Variants in KRT8 observed in about 807,000 individuals in gnomAD.
The protein encoded by KRT8 is keratin 8, also known as keratin, type II cytoskeletal 8.
A neutral mutation model predicts 43.0 loss-of-function variants in KRT8; 24 were observed. The observed-to-expected ratio is 0.56, with a 90% CI of 0.40 to 0.78. The LOEUF (loss-of-function observed/expected upper bound fraction) is 0.78, where lower values mean the gene tolerates loss of function less well. KRT8 is among the 30% of genes least tolerant of loss of function. The pLI is 0.00. For synonymous variants in KRT8, 214 were observed against 261.2 expected (o/e 0.82, Z 1.74); for missense variants, 492 against 638.4 (o/e 0.77, Z 2.47).
In KRT8 at chr12:52,937,204, C is replaced by T. The variant is rs375252950; in HGVS notation, c.-47+12252G>A. On this transcript the variant is annotated intron_variant, in intron 2 of 6. Transcript: ENST00000546826. The stretch of plus-strand genomic sequence containing the variant: ...TGGGCAACACCGTGAAACCCTGTCT[C>T]TACTGAAATACAAAAAACTAGCCTG... Among the ~76,000 whole-genome samples, 25 of 150,886 alleles carry T rather than the reference C, an allele frequency of 1.7e-4. No individual in the cohort carries two copies. In the South Asian group the frequency reaches 5.1e-3, roughly 31 times the overall value.
intron 2 of KRT8, among the ~76,000 whole-genome samples, chr12:52,917,712 A>AAAAAG (rs753462248): frequency 0.31 from 29,702 of 95,702 alleles, 4,786 homozygotes; most frequent in African/African-American, 0.57. Context: ...CTGTCTCAAA[A>AAAAAG]AAAAAAAAAA....
chr12:52,937,722 G>T, intron 2 of KRT8, among the ~76,000 whole-genome samples: 1 of 150,718 alleles, frequency 6.6e-6, no homozygotes, highest in South Asian at 2.1e-4. Flanking sequence ...AACAGGCCGG[G>T]CATGGTGGTT....
chr12:52,941,227 C>CGGATGATTTTGTATTTTTTATTAGA (rs1673649331), intron 2 of KRT8, among the ~76,000 whole-genome samples: 1 of 151,542 alleles, frequency 6.6e-6, no homozygotes, highest in Non-Finnish European at 1.5e-5. Flanking sequence ...CCACCACGCC[C>CGGATGATTTTGTATTTTTTATTAGA]GTCTATAAAT....
chr12:52,932,996 T>G (rs966145019), intron 2 of KRT8, among the ~76,000 whole-genome samples: 2 of 152,162 alleles, frequency 1.3e-5, no homozygotes, highest in Non-Finnish European at 2.9e-5. Context: ...CAGGCTGGAG[T>G]GCAGTGGCGC....
chr12:52,940,950 T>C (rs1273676878), intron 2 of KRT8, among the ~76,000 whole-genome samples: 2 of 152,094 alleles, frequency 1.3e-5, no homozygotes, highest in East Asian at 3.9e-4. Context: ...GGGATAAAAA[T>C]TATGTATTTT....
chr12:52,939,117 A>G (rs1036328721), intron 2 of KRT8, among the ~76,000 whole-genome samples: 2 of 152,136 alleles, frequency 1.3e-5, no homozygotes, highest in African/African-American at 4.8e-5. Flanking sequence ...ATAAAAATAA[A>G]AAAAGGACAG....
intron 1 of KRT8, chr12:52,949,701 G>T (rs764061571): frequency 8.9e-6 from 9 of 1,013,350 alleles, no homozygotes. Context: ...CCACCGGGAG[G>T]GGGTTGGGCA....
chr12:52,917,819 G>T (rs1170236484), intron 2 of KRT8, among the ~76,000 whole-genome samples: 1 of 151,846 alleles, frequency 6.6e-6, no homozygotes, highest in African/African-American at 2.4e-5. Context: ...GGCATAGGTT[G>T]CAGTGAGCTG....
At chr12:52,898,805 G>A in exon 6 of KRT8, 1 of 1,614,198 alleles carries the variant, frequency 6.2e-7, no homozygotes, top group South Asian at 1.1e-5. Context: ...CCGCTGCAGG[G>A]CGGCCTCCAG....
At chr12:52,944,784 A>G (rs1592189752) in intron 2 of KRT8, among the ~76,000 whole-genome samples, 2 of 151,846 alleles carry the variant, frequency 1.3e-5, no homozygotes, top group Non-Finnish European at 2.9e-5. Flanking sequence ...CGACTCTCCC[A>G]CCCCTGGGGA....
At chr12:52,910,593 G>C (rs1326494438), upstream of KRT8, among the ~76,000 whole-genome samples, 1 of 152,216 alleles carries the variant, frequency 6.6e-6, no homozygotes, top group African/African-American at 2.4e-5. Flanking sequence ...AGCGGTACTG[G>C]GGACTTGAGT....
At chr12:52,918,183 A>AGAAGAAGAG (rs1941801333) in intron 2 of KRT8, among the ~76,000 whole-genome samples, 1 of 108,362 alleles carries the variant, frequency 9.2e-6, no homozygotes, top group South Asian at 3.7e-4. Flanking sequence ...AGGAAGAGGA[A>AGAAGAAGAG]GAAGAAGAAG....
At chr12:52,900,865 T>C in intron 3 of KRT8, 182 bp from the exon 4 acceptor site, 1 of 650,826 alleles carries the variant, frequency 1.5e-6, no homozygotes, top group South Asian at 1.7e-5. Flanking sequence ...CCTTCACCTC[T>C]GCTTCCTGCA....
intron 5 of KRT8, among the ~76,000 whole-genome samples, chr12:52,899,142 G>A (rs542140957): frequency 2.4e-4 from 36 of 152,166 alleles, no homozygotes; most frequent in Admixed American, 6.5e-4. Context: ...GTGAAACCCC[G>A]TCTCTAGTAA....
chr12:52,899,893 T>C, exon 5 of KRT8: 1 of 1,612,882 alleles, frequency 6.2e-7, no homozygotes, highest in Non-Finnish European at 8.5e-7. Context: ...GCTCTGCAGC[T>C]CCTCATACTT....
intron 2 of KRT8, among the ~76,000 whole-genome samples, chr12:52,945,855 G>A (rs192685789): frequency 4.6e-5 from 7 of 151,818 alleles, no homozygotes; most frequent in East Asian, 1.9e-4. Flanking sequence ...TCACAATCAC[G>A]CCATCCCCCT....
chr12:52,905,519 A>C (rs553704991), upstream of KRT8, among the ~76,000 whole-genome samples: 1 of 152,186 alleles, frequency 6.6e-6, no homozygotes, highest in East Asian at 1.9e-4. Context: ...GTTCTCCCTG[A>C]TTGAAGCGAT....
In KRT8 at chr12:52,900,280, C is replaced by T. The variant is rs183804276; in HGVS notation, c.691-215G>A. The stretch of plus-strand genomic sequence containing the variant: ...TCCAATGCAGCTCAAAGATTAGGAA[C>T]AAGGGCTTTGGGGACAGAGTTGCTG... On this transcript the variant is annotated intron_variant, in intron 4 of 7. Coordinates refer to ENST00000692008, the Ensembl canonical transcript of KRT8. 2.6e-5 allele frequency among the ~76,000 whole-genome samples: 4 copies of T among 152,274 alleles called. No individual in the cohort carries two copies. The East Asian group carries it at 7.7e-4, about 29-fold the overall frequency.
chr12:52,926,189 C>G (rs575388326), intron 2 of KRT8, among the ~76,000 whole-genome samples: 1 of 145,256 alleles, frequency 6.9e-6, no homozygotes, highest in Admixed American at 7.0e-5. Context: ...GGTATCCTCT[C>G]CAGTGCCCAG....
Sources: allele counts gnomAD v4.1 joint callset (sites outside exome capture counted in the v4.1 genomes callset), GRCh38; gene constraint gnomAD v4.1.1; transcripts MANE v1.5; gene names NCBI Gene and HGNC (gene_info 2026-07-23, HGNC 2026-07-21).